Variants in ANAPC13 observed in about 807,000 individuals in gnomAD.
The protein encoded by ANAPC13 is anaphase-promoting complex subunit 13.
In ANAPC13, 9 loss-of-function variants were observed where a neutral mutation model predicts 9.6. The observed-to-expected ratio is 0.94, with a 90% CI of 0.57 to 1.64. ANAPC13 has a LOEUF of 1.64. Among genes scored for constraint, ANAPC13 ranks in the 40% most tolerant of loss-of-function variants. The probability of loss-of-function intolerance (pLI) is 0.00; values close to 1 mark genes in which losing one functional copy is unlikely to be tolerated. For synonymous variants in ANAPC13, 30 were observed against 29.7 expected (o/e 1.01, Z -0.03); for missense variants, 75 against 85.3 (o/e 0.88, Z 0.48).
chr3:134,480,963 G>A (rs1391246115), intron 2 of ANAPC13, among the ~76,000 whole-genome samples: 1 of 152,172 alleles, frequency 6.6e-6, no homozygotes, highest in Non-Finnish European at 1.5e-5. Flanking sequence ...TTAGCAGCAG[G>A]GCCAAGCCAA....
At position 134,478,351 on chromosome 3, in the gene ANAPC13, A is replaced by G. The variant is rs1302652080; in HGVS notation, c.*239T>C. The G allele has an allele frequency of 2.2e-6, 1 of 459,548 alleles. No homozygotes were observed. Among genetic ancestry groups the G allele is most frequent in the African/African-American group, 2.0e-5 (1 of 49,678 alleles). The allele number at this position is 459,548 out of a possible 1,614,324, so 28.5% of individuals were successfully genotyped here. A position where few individuals can be genotyped will look rare whatever the true frequency, so the allele number is the denominator to read the frequency against. ...GGTAGAGGCAAATGTTTAACCAATC[A>G]TGTTCAAATATAAGCTACTCAATGA... On this transcript the variant is annotated 3_prime_UTR_variant, in exon 3 of 3. Transcript: ENST00000354910.
chr3:134,482,495 C>T (rs1160904962), intron 2 of ANAPC13, among the ~76,000 whole-genome samples: 1 of 152,158 alleles, frequency 6.6e-6, no homozygotes, highest in Non-Finnish European at 1.5e-5. Flanking sequence ...CTTGTTCTTC[C>T]CCATCTTGCG....
At chr3:134,479,742 G>A (rs969979656) in intron 2 of ANAPC13, among the ~76,000 whole-genome samples, 2 of 152,150 alleles carry the variant, frequency 1.3e-5, no homozygotes, top group Non-Finnish European at 2.9e-5. Flanking sequence ...GTGGAGCAGA[G>A]CAACAAAAAA....
At position 134,482,790 on chromosome 3, in the gene ANAPC13, T is replaced by C. The variant is rs774103365; in HGVS notation, c.99+16A>G. 1.9e-6 allele frequency: 3 copies of C among 1,609,974 alleles called. No individual in the cohort carries two copies. The highest frequency in any genetic ancestry group is 2.6e-6 in the Non-Finnish European group (3 of 1,176,246). On this transcript the variant is annotated intron_variant, in intron 2 of 2. Transcript: ENST00000354910. ...TCAATACCTTTAACCCATCCTCAGC[T>C]CAAATCATAACCTACCAGTGGTATT...
chr3:134,480,153 C>T (rs938386131), intron 2 of ANAPC13, among the ~76,000 whole-genome samples: 3 of 152,102 alleles, frequency 2.0e-5, no homozygotes, highest in South Asian at 2.1e-4. Context: ...TTTATTGTAA[C>T]GCAATAATAT....
rs771858758 is a variant in ANAPC13 at position 134,482,796 on chromosome 3, C to A, written c.99+10G>T. The A allele has an allele frequency of 6.2e-7, 1 of 1,612,592 alleles. No individual in the cohort carries two copies. On this transcript the variant is annotated intron_variant, in intron 2 of 2. Coordinates refer to ENST00000354910, the MANE Select transcript of ANAPC13 (RefSeq NM_015391.4). ...CCTTTAACCCATCCTCAGCTCAAAT[C>A]ATAACCTACCAGTGGTATTGCGACA... is the stretch of plus-strand genomic sequence containing the variant.
At chr3:134,480,717 G>C (rs1307573778) in intron 2 of ANAPC13, among the ~76,000 whole-genome samples, 1 of 152,196 alleles carries the variant, frequency 6.6e-6, no homozygotes, top group East Asian at 1.9e-4. Context: ...AGACATGTGA[G>C]ACAGTCCTAG....
At chr3:134,479,488 C>A (rs1934688727) in intron 2 of ANAPC13, among the ~76,000 whole-genome samples, 1 of 152,096 alleles carries the variant, frequency 6.6e-6, no homozygotes, top group Non-Finnish European at 1.5e-5. Context: ...CAGGCATGCA[C>A]CACCATGCCC....
At chr3:134,481,921 A>G (rs1934743041) in intron 2 of ANAPC13, among the ~76,000 whole-genome samples, 2 of 152,240 alleles carry the variant, frequency 1.3e-5, no homozygotes, top group Non-Finnish European at 2.9e-5. Flanking sequence ...TATTCAATAA[A>G]TGACATCTAT....
Position 134,485,974 on chromosome 3 carries a change from A to T in ANAPC13, c.-50T>A. 5 of 958,572 alleles carry T rather than the reference A, an allele frequency of 5.2e-6. No homozygotes were observed. The highest frequency in any genetic ancestry group is 6.1e-6 in the Non-Finnish European group (5 of 821,188). 59.4% of individuals were successfully genotyped at this position (958,572 alleles called of 1,614,324 possible). On this transcript the variant is annotated 5_prime_UTR_variant, in exon 1 of 3. Transcript: ENST00000354910. Reference sequence around the variant, plus strand: ...TACCGGCACCCGGCCACCGCGGCAGACGCTTGCTCCTGCCACGCCCCCCCC... The same window carrying T: ...TACCGGCACCCGGCCACCGCGGCAGTCGCTTGCTCCTGCCACGCCCCCCCC...
At position 134,478,730 on chromosome 3, in the gene ANAPC13, T is replaced by C. The variant is rs780316486; in HGVS notation, c.100-15A>G. The C allele has an allele frequency of 6.2e-6, 10 of 1,613,328 alleles. No individual in the cohort carries two copies. The highest frequency in any genetic ancestry group is 1.7e-5 in the Admixed American group (1 of 59,718). On this transcript the variant is annotated splice_polypyrimidine_tract_variant and intron_variant, in intron 2 of 2. Transcript: ENST00000354910. ...GGAAGCTCATTCTGAAAAGGTACAA[T>C]AGAAATTCAGAACAGTAATATATTC...
intron 1 of ANAPC13, among the ~76,000 whole-genome samples, chr3:134,485,157 T>G (rs1391088684): frequency 6.6e-6 from 1 of 152,182 alleles, no homozygotes; most frequent in Non-Finnish European, 1.5e-5. Context: ...ATTTCCGGGA[T>G]TAGGCGCGAA....
In ANAPC13 at chr3:134,485,969, G is replaced by A. The variant is rs948115819; in HGVS notation, c.-45C>T. ...ACCCTTACCGGCACCCGGCCACCGC[G>A]GCAGACGCTTGCTCCTGCCACGCCC... On this transcript the variant is annotated 5_prime_UTR_variant, in exon 1 of 3. Coordinates refer to ENST00000354910, the MANE Select transcript of ANAPC13 (RefSeq NM_015391.4). 2.1e-5 allele frequency: 20 copies of A among 971,736 alleles called. No homozygotes were observed. In the African/African-American group the frequency reaches 3.0e-4, roughly 15 times the overall value. 60.2% of individuals were successfully genotyped at this position (971,736 alleles called of 1,614,324 possible).
chr3:134,484,455 C>G (rs1348960848), intron 1 of ANAPC13, among the ~76,000 whole-genome samples: 2 of 152,048 alleles, frequency 1.3e-5, no homozygotes, highest in Non-Finnish European at 2.9e-5. Flanking sequence ...GCAAGATATC[C>G]CTAACACCTT....
intron 1 of ANAPC13, among the ~76,000 whole-genome samples, chr3:134,484,147 G>A (rs544646639): frequency 6.6e-6 from 1 of 151,834 alleles, no homozygotes; most frequent in Admixed American, 6.5e-5. Context: ...TTGGGAGACC[G>A]AGGTGGGCGG....
chr3:134,485,337 T>A (rs569024616), intron 1 of ANAPC13: 24 of 152,420 alleles, frequency 1.6e-4, no homozygotes, highest in African/African-American at 5.8e-4. Context: ...TCCCGATGCC[T>A]GCAATGCTCT....
chr3:134,485,289 ACT>A (rs1935012031), intron 1 of ANAPC13: 1 of 152,286 alleles, frequency 6.6e-6, no homozygotes, highest in Non-Finnish European at 1.5e-5. Context: ...CAGTACGACC[ACT>A]GTTTCCTGAA....
At chr3:134,481,256 A>G (rs1410151092) in intron 2 of ANAPC13, among the ~76,000 whole-genome samples, 1 of 152,212 alleles carries the variant, frequency 6.6e-6, no homozygotes, top group East Asian at 1.9e-4. Context: ...GGATCTCCTG[A>G]GGATGAGGTC....
At chr3:134,485,987 C>T (rs1453514313), upstream of ANAPC13, 1 of 849,540 alleles carries the variant, frequency 1.2e-6, no homozygotes, top group South Asian at 5.9e-5. Flanking sequence ...CTTGCTCCTG[C>T]CACGCCCCCC....
Sources: allele counts gnomAD v4.1 joint callset (sites outside exome capture counted in the v4.1 genomes callset), GRCh38; gene constraint gnomAD v4.1.1; transcripts MANE v1.5; gene names NCBI Gene and HGNC (gene_info 2026-07-23, HGNC 2026-07-21).